CSMD1: variants seen among roughly 807,000 people sequenced by gnomAD.
The protein encoded by CSMD1 is CUB and sushi domain-containing protein 1.
Under a neutral mutation model 417.5 loss-of-function variants are expected in CSMD1, and 213 were observed. That is an observed-to-expected ratio of 0.51 (90% confidence interval 0.46 to 0.57). The LOEUF is 0.57. Ranked by LOEUF, CSMD1 falls within the 20% of genes least tolerant of loss-of-function variation. The pLI, the probability that CSMD1 is intolerant of heterozygous loss-of-function variation, is 0.00. For synonymous variants in CSMD1, 2,862 were observed against 1,736.8 expected (o/e 1.65, Z -16.11); for missense variants, 6,923 against 4,529.7 (o/e 1.53, Z -15.17).
chr8:3,098,852 T>TC (rs1472061782), intron 46 of CSMD1, among the ~76,000 whole-genome samples: 1 of 151,638 alleles, frequency 6.6e-6, no homozygotes, highest in East Asian at 1.9e-4. Flanking sequence ...TAATAATAGC[T>TC]CCCCCTCAGG....
chr8:3,275,663 C>CTTCATTTCA (rs1204147358), intron 26 of CSMD1, among the ~76,000 whole-genome samples: 21 of 152,184 alleles, frequency 1.4e-4, no homozygotes, highest in Non-Finnish European at 2.8e-4. Context: ...TCCCTTCTCG[C>CTTCATTTCA]TTCATTTCAT....
At chr8:3,206,484 A>ATG (rs74806069) in intron 30 of CSMD1, among the ~76,000 whole-genome samples, 91,573 of 99,796 alleles carry the variant, frequency 0.92, 42,072 homozygotes, top group Non-Finnish European at 0.94. Context: ...CTGTGCGTGT[A>ATG]TGTGTGTGTG....
chr8:4,003,867 T>C (rs1482350250), intron 4 of CSMD1, among the ~76,000 whole-genome samples: 5 of 152,082 alleles, frequency 3.3e-5, no homozygotes, highest in African/African-American at 1.2e-4. Flanking sequence ...ATCCAAAACG[T>C]GTGATAAAAT....
At position 3,645,969 on chromosome 8, in the gene CSMD1, G is replaced by GA. The variant is rs918095324; in HGVS notation, c.1010-29173dup. ...CAGTATCATAAAATAATTAAATTTA[G>GA]AAAAAAACTAGCTATAATTGTATTT... is the stretch of plus-strand genomic sequence containing the variant. On this transcript the variant is annotated intron_variant, in intron 7 of 69. Transcript: ENST00000635120. Among the ~76,000 whole-genome samples, 10 of 150,516 alleles carry GA rather than the reference G, an allele frequency of 6.6e-5. 1 individual carries two copies. In the South Asian group the frequency reaches 1.3e-3, roughly 19 times the overall value.
chr8:4,610,753 A>T (rs188239471), intron 2 of CSMD1, among the ~76,000 whole-genome samples: 1 of 152,338 alleles, frequency 6.6e-6, no homozygotes, highest in East Asian at 1.9e-4. Context: ...ACTGCCAATT[A>T]TATGTTACTT....
intron 5 of CSMD1, among the ~76,000 whole-genome samples, chr8:3,756,465 A>T (rs1797664593): frequency 6.6e-6 from 1 of 152,214 alleles, no homozygotes; most frequent in Non-Finnish European, 1.5e-5. Flanking sequence ...AAATTTAAAA[A>T]CTACAAACAC....
intron 12 of CSMD1, among the ~76,000 whole-genome samples, chr8:3,439,157 G>GAA (rs1384498414): frequency 7.8e-5 from 3 of 38,264 alleles, no homozygotes; most frequent in Admixed American, 3.2e-4. Context: ...AAAAAACCAA[G>GAA]AAAAAAAAAA....
chr8:3,252,715 T>G (rs960440527), intron 26 of CSMD1, among the ~76,000 whole-genome samples: 3 of 152,218 alleles, frequency 2.0e-5, no homozygotes, highest in Admixed American at 6.5e-5. Flanking sequence ...GTTGGTAAGC[T>G]ATTAATTATT....
chr8:4,077,295 G>GTATATA (rs1253192594), intron 3 of CSMD1, among the ~76,000 whole-genome samples: 6 of 88,894 alleles, frequency 6.7e-5, no homozygotes, highest in African/African-American at 2.2e-4. Flanking sequence ...ATATATATAT[G>GTATATA]TGTATATATA....
intron 5 of CSMD1, among the ~76,000 whole-genome samples, chr8:3,994,412 G>T (rs1815038457): frequency 7.7e-6 from 1 of 130,524 alleles, no homozygotes; most frequent in African/African-American, 2.9e-5. Context: ...ATTATTAGAA[G>T]TACAAGTTAT....
At chr8:3,565,057 C>A (rs551083069) in intron 10 of CSMD1, among the ~76,000 whole-genome samples, 2 of 142,880 alleles carry the variant, frequency 1.4e-5, no homozygotes, top group Admixed American at 1.5e-4. Context: ...CCTGCACATC[C>A]TGCACATGGA....
Position 3,411,749 on chromosome 8 carries a change from C to A in CSMD1, c.1562-2144G>T, listed in dbSNP as rs556628504. On this transcript the variant is annotated intron_variant, in intron 12 of 69. Transcript: ENST00000635120. ...ACATATATACACGTGTATATATACA[C>A]GTGTATATACGTGTATATACGTGTG... Among the ~76,000 whole-genome samples the A allele has an allele frequency of 1.1e-4, 13 of 120,510 alleles. No individual in the cohort carries two copies. The South Asian group carries it at 3.7e-3, about 34-fold the overall frequency. The allele number at this position is 120,510 out of a possible 152,430, so 79.1% of individuals were successfully genotyped here. A position where few individuals can be genotyped will look rare whatever the true frequency, so the allele number is the denominator to read the frequency against.
intron 1 of CSMD1, among the ~76,000 whole-genome samples, chr8:4,866,918 T>G (rs1031716108): frequency 6.6e-6 from 1 of 151,992 alleles, no homozygotes; most frequent in African/African-American, 2.4e-5. Context: ...ATTATTTTAA[T>G]GGCAAAAACC....
intron 3 of CSMD1, among the ~76,000 whole-genome samples, chr8:4,280,766 G>A (rs933813493): frequency 1.3e-5 from 2 of 151,972 alleles, no homozygotes; most frequent in African/African-American, 4.8e-5. Flanking sequence ...TTAAAAACAT[G>A]TTACTATATA....
At chr8:3,292,343 C>G (rs1233801028) in intron 25 of CSMD1, among the ~76,000 whole-genome samples, 1 of 152,044 alleles carries the variant, frequency 6.6e-6, no homozygotes, top group African/African-American at 2.4e-5. Flanking sequence ...TCTATTAGGT[C>G]CGCTTGGTGC....
At chr8:4,691,051 G>A (rs1337874521) in intron 1 of CSMD1, among the ~76,000 whole-genome samples, 5 of 152,102 alleles carry the variant, frequency 3.3e-5, no homozygotes, top group Non-Finnish European at 7.4e-5. Context: ...GCCGTGCTTT[G>A]AAACATGCAC....
At chr8:3,033,178 C>T (rs531103345) in intron 50 of CSMD1, among the ~76,000 whole-genome samples, 59 of 152,116 alleles carry the variant, frequency 3.9e-4, no homozygotes, top group Admixed American at 1.4e-3. Context: ...TACCAAACTT[C>T]GATTTTTAAA....
chr8:4,439,752 T>C (rs1004224349), intron 2 of CSMD1, among the ~76,000 whole-genome samples: 2 of 152,116 alleles, frequency 1.3e-5, no homozygotes, highest in East Asian at 1.9e-4. Flanking sequence ...ATCAGTTTTG[T>C]GTTACTAATG....
intron 2 of CSMD1, among the ~76,000 whole-genome samples, chr8:4,515,260 A>G (rs1181981818): frequency 2.0e-5 from 3 of 152,308 alleles, no homozygotes; most frequent in South Asian, 2.1e-4. Flanking sequence ...ATGGAATTAT[A>G]TGCAGAGACC....
Sources: allele counts gnomAD v4.1 joint callset (sites outside exome capture counted in the v4.1 genomes callset), GRCh38; gene constraint gnomAD v4.1.1; transcripts MANE v1.5; gene names NCBI Gene and HGNC (gene_info 2026-07-23, HGNC 2026-07-21).